The following KCNN3 variants were observed in gnomAD, a reference collection of about 807,000 sequenced individuals.
KCNN3 encodes the protein potassium calcium-activated channel subfamily N member 3.
KCNN3 carries 16 observed loss-of-function variants against 62.9 expected under a neutral mutation model. That is an observed-to-expected ratio of 0.25 (90% CI 0.17 to 0.39). KCNN3 has a LOEUF of 0.39. KCNN3 is among the 10% of genes least tolerant of loss of function. The pLI is 1.00. For missense variants in KCNN3, 599 were observed against 949.4 expected, an observed-to-expected ratio of 0.63 and a Z score of 4.85; for synonymous variants, 370 against 389.2, an observed-to-expected ratio of 0.95 and a Z score of 0.58.
chr1:154,819,449 A>G (rs1650802978), intron 2 of KCNN3, among the ~76,000 whole-genome samples: 1 of 152,132 alleles, frequency 6.6e-6, no homozygotes, highest in African/African-American at 2.4e-5. Flanking sequence ...TGCAAAGATT[A>G]ATGCAAAGAT....
At chr1:154,814,371 C>T (rs1443262398) in intron 2 of KCNN3, among the ~76,000 whole-genome samples, 1 of 152,202 alleles carries the variant, frequency 6.6e-6, no homozygotes, top group Non-Finnish European at 1.5e-5. Flanking sequence ...ATACAGTCCC[C>T]ACTGCCATGG....
At chr1:154,855,019 A>T (rs948727004) in intron 1 of KCNN3, among the ~76,000 whole-genome samples, 5 of 152,160 alleles carry the variant, frequency 3.3e-5, no homozygotes, top group Non-Finnish European at 7.3e-5. Flanking sequence ...GGAGTTTGAG[A>T]CTAGCCTAGC....
intron 2 of KCNN3, among the ~76,000 whole-genome samples, chr1:154,812,393 C>T (rs1014132150): frequency 9.9e-5 from 15 of 151,994 alleles, no homozygotes; most frequent in Admixed American, 3.3e-4. Context: ...TATCTCCTAA[C>T]GCTATCCCTC....
At chr1:154,822,036 A>G (rs549501047) in intron 2 of KCNN3, 53 bp downstream of exon 2, 1 of 1,408,640 alleles carries the variant, frequency 7.1e-7, no homozygotes, top group Admixed American at 1.7e-5. Context: ...CTCGGCTCAG[A>G]GCAAGGCCAA....
intron 4 of KCNN3, among the ~76,000 whole-genome samples, chr1:154,727,226 C>T (rs71628632): frequency 0.017 from 2,571 of 152,348 alleles, 32 homozygotes; most frequent in Middle Eastern, 0.078. Flanking sequence ...AAGCCAACAA[C>T]CGAATCCTGT....
At chr1:154,750,788 G>A (rs1473203538) in intron 3 of KCNN3, among the ~76,000 whole-genome samples, 2 of 152,144 alleles carry the variant, frequency 1.3e-5, no homozygotes, top group Admixed American at 1.3e-4. Flanking sequence ...GACAAGTGTC[G>A]TGGCTGTGCT....
At chr1:154,726,302 G>A (rs890998204) in intron 4 of KCNN3, among the ~76,000 whole-genome samples, 2 of 152,188 alleles carry the variant, frequency 1.3e-5, no homozygotes, top group Non-Finnish European at 2.9e-5. Context: ...GGAGAAGGAT[G>A]CTGGGTGGCG....
intron 5 of KCNN3, among the ~76,000 whole-genome samples, chr1:154,718,430 C>T (rs537922909): frequency 2.0e-5 from 3 of 152,346 alleles, no homozygotes; most frequent in East Asian, 1.9e-4. Context: ...GTGCTTACTA[C>T]GTGCCAGGCT....
At chr1:154,775,609 G>A (rs1490546257) in intron 2 of KCNN3, among the ~76,000 whole-genome samples, 1 of 110,488 alleles carries the variant, frequency 9.1e-6, no homozygotes, top group Non-Finnish European at 1.6e-5. Flanking sequence ...GGAAACTACA[G>A]GGCACTATGG....
In KCNN3 at chr1:154,701,579, G is replaced by T. The variant is rs1241243446; in HGVS notation, c.*6397C>A. 2.0e-5 allele frequency: 3 copies of T among 152,126 alleles called. No homozygotes were observed. The highest frequency in any genetic ancestry group is 7.2e-5 in the African/African-American group (3 of 41,404). The allele number at this position is 152,126 out of a possible 1,614,324, so 9.4% of individuals were successfully genotyped here. A position where few individuals can be genotyped will look rare whatever the true frequency, so the allele number is the denominator to read the frequency against. ...TTGCTATAAAGGACAATATCTCAACGGGAACCCTTTATTTCCTCCCAGCTA... is the reference window on the plus strand; with the variant it reads ...TTGCTATAAAGGACAATATCTCAACTGGAACCCTTTATTTCCTCCCAGCTA... On this transcript the variant is annotated 3_prime_UTR_variant, in exon 8 of 8. Coordinates refer to ENST00000271915, the MANE Select transcript of KCNN3 (RefSeq NM_002249.6).
At chr1:154,753,314 C>T (rs1647476869) in intron 3 of KCNN3, among the ~76,000 whole-genome samples, 1 of 152,120 alleles carries the variant, frequency 6.6e-6, no homozygotes, top group Admixed American at 6.5e-5. Flanking sequence ...GGACAATGAG[C>T]CGCTTCTGCC....
At chr1:154,845,683 C>T (rs368546714) in intron 1 of KCNN3, among the ~76,000 whole-genome samples, 1 of 152,084 alleles carries the variant, frequency 6.6e-6, no homozygotes, top group Admixed American at 6.5e-5. Context: ...AGACCACCCC[C>T]GCAAACACAC....
At chr1:154,737,216 G>A (rs1700730765) in intron 3 of KCNN3, 4 of 244,062 alleles carry the variant, frequency 1.6e-5, no homozygotes, top group South Asian at 8.6e-5. Flanking sequence ...TGGGGGGGGG[G>A]GATAGCTCCA....
chr1:154,707,638 A>C lies in KCNN3; in HGVS notation c.*338T>G. 4.5e-6 allele frequency: 1 copy of C among 221,472 alleles called. No homozygotes were observed. The highest frequency in any genetic ancestry group is 9.0e-6 in the Non-Finnish European group (1 of 111,302). The allele number at this position is 221,472 out of a possible 1,614,324, so 13.7% of individuals were successfully genotyped here. A position where few individuals can be genotyped will look rare whatever the true frequency, so the allele number is the denominator to read the frequency against. ...TTCTGGACTGGCTTCGCTGTTGGCT[A>C]CTTCAGTGCATCTGACCCCCACCCC... On this transcript the variant is annotated 3_prime_UTR_variant, in exon 8 of 8. Coordinates refer to ENST00000271915, the MANE Select transcript of KCNN3 (RefSeq NM_002249.6).
chr1:154,811,592 A>G (rs1328415646), intron 2 of KCNN3, among the ~76,000 whole-genome samples: 1 of 152,182 alleles, frequency 6.6e-6, no homozygotes, highest in African/African-American at 2.4e-5. Context: ...GAGGAAACAA[A>G]ACTGCTCAAT....
intron 2 of KCNN3, among the ~76,000 whole-genome samples, chr1:154,775,273 C>T (rs903224881): frequency 2.0e-5 from 3 of 152,080 alleles, no homozygotes; most frequent in African/African-American, 4.8e-5. Flanking sequence ...TGTGGGCGGG[C>T]GATGCTTGCC....
intron 6 of KCNN3, among the ~76,000 whole-genome samples, chr1:154,714,331 T>C: frequency 3.9e-5 from 1 of 25,496 alleles, no homozygotes; most frequent in South Asian, 1.2e-3. Flanking sequence ...TGTGTGTGTG[T>C]GGTGTTTGTG....
At chr1:154,760,821 C>G (rs1380544217) in intron 3 of KCNN3, among the ~76,000 whole-genome samples, 1 of 147,160 alleles carries the variant, frequency 6.8e-6, no homozygotes, top group East Asian at 1.9e-4. Flanking sequence ...CATAAGCGGC[C>G]GGCCGCAGAG....
intron 2 of KCNN3, among the ~76,000 whole-genome samples, chr1:154,813,143 C>A (rs1436700563): frequency 6.6e-6 from 1 of 151,732 alleles, no homozygotes; most frequent in Admixed American, 6.6e-5. Flanking sequence ...GGCCTCTCGT[C>A]CCATGTAGAA....
Sources: gnomAD v4.1 joint callset for allele counts (sites outside exome capture counted in the v4.1 genomes callset) on GRCh38, gnomAD v4.1.1 for gene constraint, MANE v1.5 for transcripts, NCBI Gene and HGNC (gene_info 2026-07-23, HGNC 2026-07-21) for gene names.